The following CLVS1 variants were observed in gnomAD, a reference collection of about 807,000 sequenced individuals.
The protein encoded by CLVS1 is clavesin 1.
In CLVS1, 10 loss-of-function variants were observed where a neutral mutation model predicts 33.1. That is an observed-to-expected ratio of 0.30 (90% confidence interval 0.19 to 0.51). CLVS1 has a LOEUF of 0.51. Ranked by LOEUF, CLVS1 falls within the 20% of genes least tolerant of loss-of-function variation. The pLI is 0.97. For missense variants in CLVS1, 343 were observed against 433.4 expected (o/e 0.79, Z 1.85); for synonymous variants, 163 against 166.1 (o/e 0.98, Z 0.14).
chr8:61,200,656 T>G (rs928835131), intron 2 of CLVS1, among the ~76,000 whole-genome samples: 1 of 152,198 alleles, frequency 6.6e-6, no homozygotes, highest in Non-Finnish European at 1.5e-5. Flanking sequence ...TAATGAAAAT[T>G]TTGCCTTATT....
chr8:61,378,852 T>C (rs1000530997), intron 3 of CLVS1, among the ~76,000 whole-genome samples: 1 of 152,190 alleles, frequency 6.6e-6, no homozygotes, highest in African/African-American at 2.4e-5. Context: ...TAGCAACTTT[T>C]TTCAGGTAGC....
rs200024518 is a variant in CLVS1, at chr8:61,483,324, T to A, written c.978-16131T>A. On this transcript the variant is annotated intron_variant, in intron 5 of 5. Transcript: ENST00000325897. Reference sequence around the variant, plus strand: ...GAATACTATAAACACCTCTACACAATTAAACTAGAAAATCTAGAAGAAATG... The same window carrying A: ...GAATACTATAAACACCTCTACACAAATAAACTAGAAAATCTAGAAGAAATG... 9.7e-4 allele frequency among the ~76,000 whole-genome samples: 148 copies of A among 152,130 alleles called. 1 individual carries two copies. The highest frequency in any genetic ancestry group is 3.3e-3 in the African/African-American group (137 of 41,514).
chr8:61,364,615 A>G (rs1813115355), intron 2 of CLVS1, among the ~76,000 whole-genome samples: 1 of 152,340 alleles, frequency 6.6e-6, no homozygotes, highest in East Asian at 1.9e-4. Context: ...GAAAGGATAA[A>G]CCAACTTTTA....
chr8:61,232,022 GGTTTTTTTTT>G (rs1343948353), intron 2 of CLVS1, among the ~76,000 whole-genome samples: 4 of 117,074 alleles, frequency 3.4e-5, no homozygotes, highest in African/African-American at 1.3e-4. Flanking sequence ...GGAAAGTTGT[GGTTTTTTTTT>G]TTTTTTTTTT....
chr8:61,458,588 G>A, intron 5 of CLVS1, 46 bp downstream of exon 5: 1 of 1,332,668 alleles, frequency 7.5e-7, no homozygotes, highest in South Asian at 1.5e-5. Context: ...AGAGGTCAAT[G>A]GAATTTTTTA....
At chr8:61,357,289 G>A (rs1331450927) in intron 2 of CLVS1, among the ~76,000 whole-genome samples, 1 of 152,042 alleles carries the variant, frequency 6.6e-6, no homozygotes, top group East Asian at 1.9e-4. Flanking sequence ...TTTTTTTAAA[G>A]TCAACGATCT....
chr8:61,418,706 A>C (rs1279502290), intron 3 of CLVS1, among the ~76,000 whole-genome samples: 1 of 152,210 alleles, frequency 6.6e-6, no homozygotes, highest in Admixed American at 6.5e-5. Context: ...AATTGTAGTC[A>C]CCACTCTTTG....
chr8:61,106,589 C>T (rs1200098179), intron 1 of CLVS1, among the ~76,000 whole-genome samples: 1 of 152,326 alleles, frequency 6.6e-6, no homozygotes, highest in South Asian at 2.1e-4. Flanking sequence ...GTTGCTGGCA[C>T]CTCCGCGCAG....
At chr8:61,064,386 G>C (rs1804637093) in intron 1 of CLVS1, among the ~76,000 whole-genome samples, 1 of 152,140 alleles carries the variant, frequency 6.6e-6, no homozygotes, top group African/African-American at 2.4e-5. Context: ...TACACATTTT[G>C]ATTCTAGTTG....
intron 5 of CLVS1, among the ~76,000 whole-genome samples, chr8:61,494,650 G>A (rs1205972577): frequency 2.2e-5 from 1 of 45,570 alleles, no homozygotes; most frequent in Non-Finnish European, 5.8e-5. Context: ...AGAAGTGGTG[G>A]AGACATGTTT....
chr8:61,120,092 A>G (rs952132486), intron 1 of CLVS1, among the ~76,000 whole-genome samples: 3 of 147,874 alleles, frequency 2.0e-5, no homozygotes, highest in Admixed American at 2.0e-4. Context: ...TTTTTTCTCT[A>G]AACTTCCCTT....
chr8:61,109,827 G>A (rs73260380), intron 1 of CLVS1, among the ~76,000 whole-genome samples: 3,539 of 152,228 alleles, frequency 0.023, 144 homozygotes, highest in African/African-American at 0.082. Context: ...GAGATAGTAC[G>A]TTAGCACTCT....
At chr8:61,159,948 C>G (rs1033096987) in intron 2 of CLVS1, among the ~76,000 whole-genome samples, 1 of 152,150 alleles carries the variant, frequency 6.6e-6, no homozygotes, top group Non-Finnish European at 1.5e-5. Context: ...TTGTGGGAGG[C>G]CTTCAGAAGT....
At chr8:61,047,325 G>A in the CLVS1 span, among the ~76,000 whole-genome samples, 1 of 152,224 alleles carries the variant, frequency 6.6e-6, no homozygotes, top group African/African-American at 2.4e-5. Context: ...TGGAGAGGAT[G>A]TGGAGAAATA....
At chr8:60,994,324 G>A in the CLVS1 span, among the ~76,000 whole-genome samples, 102 of 152,320 alleles carry the variant, frequency 6.7e-4, no homozygotes, top group East Asian at 0.018. Flanking sequence ...TCCAAATACA[G>A]TCACACTCTG....
At chr8:61,388,529 T>A (rs943477814) in intron 3 of CLVS1, among the ~76,000 whole-genome samples, 1 of 152,076 alleles carries the variant, frequency 6.6e-6, no homozygotes, top group African/African-American at 2.4e-5. Context: ...TATACAGCAG[T>A]TGTATCTCCT....
intron 2 of CLVS1, among the ~76,000 whole-genome samples, chr8:61,228,409 C>A (rs1340141540): frequency 1.3e-5 from 2 of 152,106 alleles, no homozygotes; most frequent in African/African-American, 4.8e-5. Context: ...TTCAGATAAA[C>A]CCCTCATAAG....
At chr8:60,970,208 C>A in the CLVS1 span, among the ~76,000 whole-genome samples, 1 of 152,204 alleles carries the variant, frequency 6.6e-6, no homozygotes, top group African/African-American at 2.4e-5. Context: ...TGATTCTATG[C>A]CTGTGATCTG....
intron 3 of CLVS1, among the ~76,000 whole-genome samples, chr8:61,441,987 G>A: frequency 6.6e-6 from 1 of 152,076 alleles, no homozygotes; most frequent in South Asian, 2.1e-4. Flanking sequence ...ATGTAAGGCA[G>A]AAAAGACCAT....
Sources: allele counts gnomAD v4.1 joint callset (sites outside exome capture counted in the v4.1 genomes callset), GRCh38; gene constraint gnomAD v4.1.1; transcripts MANE v1.5; gene names NCBI Gene and HGNC (gene_info 2026-07-23, HGNC 2026-07-21).